Variants in PPFIA2 observed in about 807,000 individuals in gnomAD.
PPFIA2 encodes PPFI scaffold protein A2.
Under a neutral mutation model 175.5 loss-of-function variants are expected in PPFIA2, and 46 were observed. The ratio of observed to expected loss-of-function variants is 0.26; its 90% confidence interval spans 0.21 to 0.34. The LOEUF (loss-of-function observed/expected upper bound fraction) is 0.34, where lower values mean the gene tolerates loss of function less well. Among genes scored for constraint, PPFIA2 ranks in the 10% least tolerant of loss-of-function variants. The pLI is 1.00. For missense variants in PPFIA2, 1,179 were observed against 1,506.1 expected (o/e 0.78, Z 3.60); for synonymous variants, 568 against 511.4 (o/e 1.11, Z -1.49).
At chr12:81,497,837 C>A (rs946194988) in intron 4 of PPFIA2, among the ~76,000 whole-genome samples, 1 of 152,166 alleles carries the variant, frequency 6.6e-6, no homozygotes, top group Non-Finnish European at 1.5e-5. Context: ...CCACACCTGA[C>A]CCTCATAGTT....
At chr12:81,642,487 C>T (rs1035671018) in intron 4 of PPFIA2, among the ~76,000 whole-genome samples, 4 of 150,264 alleles carry the variant, frequency 2.7e-5, no homozygotes, top group Non-Finnish European at 4.4e-5. Context: ...CATGTTGCAA[C>T]TATTGTACTA....
At chr12:81,472,549 A>G (rs2146345257) in intron 4 of PPFIA2, 1 of 152,328 alleles carries the variant, frequency 6.6e-6, no homozygotes. Flanking sequence ...AATTTAAAAC[A>G]CTAAATTTCT....
intron 8 of PPFIA2, among the ~76,000 whole-genome samples, chr12:81,391,061 A>G (rs1225998882): frequency 6.6e-6 from 1 of 151,972 alleles, no homozygotes. Flanking sequence ...AGGTGATAAT[A>G]CTTTTCTGAC....
At chr12:81,678,274 T>C (rs188189896) in intron 3 of PPFIA2, among the ~76,000 whole-genome samples, 13 of 151,948 alleles carry the variant, frequency 8.6e-5, no homozygotes, top group Non-Finnish European at 1.5e-4. Flanking sequence ...AAAAGGCCAA[T>C]ATTTTGATAT....
intron 4 of PPFIA2, among the ~76,000 whole-genome samples, chr12:81,671,763 C>A (rs560812474): frequency 4.6e-5 from 7 of 152,028 alleles, no homozygotes; most frequent in African/African-American, 1.7e-4. Context: ...GTTATTTTCT[C>A]ATTTTTTACT....
At chr12:81,326,988 G>A (rs551160794) in intron 21 of PPFIA2, among the ~76,000 whole-genome samples, 2 of 151,932 alleles carry the variant, frequency 1.3e-5, no homozygotes, top group Non-Finnish European at 2.9e-5. Context: ...TGCAGGACTC[G>A]ACCAAGATAT....
At position 81,699,672 on chromosome 12, in the gene PPFIA2, T is replaced by A. The variant is rs1362607840; in HGVS notation, c.250-22828A>T. Among the ~76,000 whole-genome samples the A allele has an allele frequency of 4.6e-5, 7 of 152,004 alleles. No homozygotes were observed. In the East Asian group the frequency reaches 1.4e-3, roughly 29 times the overall value. On this transcript the variant is annotated intron_variant, in intron 3 of 32. Coordinates refer to ENST00000549396, the MANE Select transcript of PPFIA2 (RefSeq NM_003625.5). The stretch of plus-strand genomic sequence containing the variant: ...AAGATTATGCCATAAACCTAAATGT[T>A]TGCTTTTAGTGGATTTCATCACCAT...
At chr12:81,507,692 T>C (rs890965484) in intron 4 of PPFIA2, among the ~76,000 whole-genome samples, 17 of 152,352 alleles carry the variant, frequency 1.1e-4, no homozygotes, top group Admixed American at 7.8e-4. Context: ...GTAACCTAAC[T>C]GATCTTTGCT....
intron 3 of PPFIA2, among the ~76,000 whole-genome samples, chr12:81,695,441 C>A (rs2075788415): frequency 6.6e-6 from 1 of 152,066 alleles, no homozygotes. Context: ...CCTACTTTTG[C>A]CATGTGATAT....
At chr12:81,687,188 G>T (rs796533149) in intron 3 of PPFIA2, among the ~76,000 whole-genome samples, 3 of 152,000 alleles carry the variant, frequency 2.0e-5, no homozygotes, top group Non-Finnish European at 4.4e-5. Context: ...ACTTAAGTAA[G>T]GTCCCCATTC....
At chr12:81,712,649 T>G (rs187296937) in intron 3 of PPFIA2, among the ~76,000 whole-genome samples, 1 of 151,292 alleles carries the variant, frequency 6.6e-6, no homozygotes, top group Admixed American at 6.8e-5. Context: ...AGGTAGATAG[T>G]TTGAAACATC....
chr12:81,561,671 T>A (rs1034047049), intron 4 of PPFIA2, among the ~76,000 whole-genome samples: 5 of 152,182 alleles, frequency 3.3e-5, no homozygotes, highest in Non-Finnish European at 5.9e-5. Flanking sequence ...TCACTTTTTT[T>A]AAATTATAGC....
intron 3 of PPFIA2, among the ~76,000 whole-genome samples, chr12:81,713,926 C>T (rs2078264551): frequency 1.3e-5 from 2 of 150,878 alleles, no homozygotes; most frequent in African/African-American, 2.4e-5. Context: ...ATGAAAAAGT[C>T]GAAGATAGAG....
chr12:81,420,349 G>A (rs2046026331), intron 7 of PPFIA2, among the ~76,000 whole-genome samples: 1 of 151,988 alleles, frequency 6.6e-6, no homozygotes, highest in Admixed American at 6.6e-5. Flanking sequence ...AGAATAATAA[G>A]TTGCCTGACA....
intron 4 of PPFIA2, among the ~76,000 whole-genome samples, chr12:81,659,585 G>C (rs2068438721): frequency 6.6e-6 from 1 of 152,214 alleles, no homozygotes; most frequent in Non-Finnish European, 1.5e-5. Context: ...GCCCACTGCA[G>C]CTCAAGGAGG....
intron 3 of PPFIA2, among the ~76,000 whole-genome samples, chr12:81,683,664 C>T (rs1371679547): frequency 1.3e-5 from 2 of 152,030 alleles, no homozygotes; most frequent in Admixed American, 6.6e-5. Context: ...CAAAATTTGG[C>T]TTGTATCTCA....
chr12:81,478,960 C>T (rs1381192846), intron 4 of PPFIA2, among the ~76,000 whole-genome samples: 1 of 152,038 alleles, frequency 6.6e-6, no homozygotes. Context: ...GAATTCGAGT[C>T]CTGAATATCC....
chr12:81,494,672 T>C (rs1344095159), intron 4 of PPFIA2, among the ~76,000 whole-genome samples: 1 of 151,874 alleles, frequency 6.6e-6, no homozygotes, highest in Admixed American at 6.6e-5. Context: ...TTATTCACAA[T>C]AGCAAAGACT....
At position 81,585,885 on chromosome 12, in the gene PPFIA2, T is replaced by C. The variant is rs367860833; in HGVS notation, c.303+90906A>G. On this transcript the variant is annotated intron_variant, in intron 4 of 32. Coordinates refer to ENST00000549396, the MANE Select transcript of PPFIA2 (RefSeq NM_003625.5). ...CTATACTTTTATATGACTTGCAGCA[T>C]AGTAGGTTTGTTTACACTAGCATCA... Among the ~76,000 whole-genome samples the C allele has an allele frequency of 4.6e-5, 7 of 152,060 alleles. No individual in the cohort carries two copies. The East Asian group carries it at 7.7e-4, about 17-fold the overall frequency.
Sources: gnomAD v4.1 joint callset for allele counts (sites outside exome capture counted in the v4.1 genomes callset) on GRCh38, gnomAD v4.1.1 for gene constraint, MANE v1.5 for transcripts, NCBI Gene and HGNC (gene_info 2026-07-23, HGNC 2026-07-21) for gene names.